SEPTIN11: variants seen among roughly 807,000 people sequenced by gnomAD.
SEPTIN11 encodes septin-11.
In SEPTIN11, 25 loss-of-function variants were observed where a neutral mutation model predicts 51.4. The ratio of observed to expected loss-of-function variants is 0.49; its 90% CI spans 0.35 to 0.68. The LOEUF (loss-of-function observed/expected upper bound fraction) is 0.68, where lower values mean the gene tolerates loss of function less well. Among genes scored for constraint, SEPTIN11 ranks in the 30% least tolerant of loss-of-function variants. SEPTIN11 has a pLI of 0.00. For missense variants in SEPTIN11, 381 were observed against 520.8 expected (o/e 0.73, Z 2.61); for synonymous variants, 174 against 184.1 (o/e 0.95, Z 0.44).
chr4:76,962,387 G>A (rs1351974838), intron 1 of SEPTIN11, among the ~76,000 whole-genome samples: 2 of 152,216 alleles, frequency 1.3e-5, no homozygotes, highest in Non-Finnish European at 2.9e-5. Flanking sequence ...AAGATAAAAT[G>A]TCCAGTTCCT....
At chr4:76,974,706 A>G (rs1722407465) in intron 1 of SEPTIN11, 2 of 455,894 alleles carry the variant, frequency 4.4e-6, no homozygotes, top group East Asian at 6.9e-5. Flanking sequence ...GACCCTGGAC[A>G]CTGGTTTATT....
chr4:76,994,759 C>G (rs1723572365), intron 1 of SEPTIN11, among the ~76,000 whole-genome samples: 1 of 151,980 alleles, frequency 6.6e-6, no homozygotes, highest in Admixed American at 6.6e-5. Context: ...ATTTCTGTGC[C>G]TATATAGTGA....
chr4:76,956,100 G>A (rs1721546192), intron 1 of SEPTIN11, among the ~76,000 whole-genome samples: 1 of 152,162 alleles, frequency 6.6e-6, no homozygotes, highest in Non-Finnish European at 1.5e-5. Context: ...TTTGAGTACT[G>A]TCTTCATACC....
chr4:77,035,115 T>C lies in SEPTIN11; in HGVS notation c.*603T>C. 1.0e-6 allele frequency: 1 copy of C among 985,506 alleles called. No individual in the cohort carries two copies. Among genetic ancestry groups the C allele is most frequent in the Non-Finnish European group, 1.2e-6 (1 of 829,962 alleles). The allele number at this position is 985,506 out of a possible 1,614,324, so 61.0% of individuals were successfully genotyped here. A position where few individuals can be genotyped will look rare whatever the true frequency, so the allele number is the denominator to read the frequency against. ...CCTGAGCTTGTGGGTCTGTTCAGAC[T>C]GTCTCCTCTCATGGTTTGAAACTGC... On this transcript the variant is annotated 3_prime_UTR_variant, in exon 10 of 10. Coordinates refer to ENST00000264893, the MANE Select transcript of SEPTIN11 (RefSeq NM_018243.4).
chr4:76,975,948 A>G (rs967479092), intron 1 of SEPTIN11, among the ~76,000 whole-genome samples: 7 of 152,216 alleles, frequency 4.6e-5, no homozygotes, highest in Non-Finnish European at 1.0e-4. Context: ...AAAAACAAGA[A>G]AAGAGTTTAA....
At chr4:76,996,404 C>T in intron 1 of SEPTIN11, 21 bp from the exon 2 acceptor site, 2 of 1,560,002 alleles carry the variant, frequency 1.3e-6, no homozygotes, top group African/African-American at 1.4e-5. Context: ...ACACTCAAAT[C>T]TTTCTCCCCT....
In SEPTIN11 at chr4:77,037,571, C is replaced by G; in HGVS notation, c.*3059C>G. On this transcript the variant is annotated 3_prime_UTR_variant, in exon 10 of 10. Coordinates refer to ENST00000264893, the MANE Select transcript of SEPTIN11 (RefSeq NM_018243.4). Reference sequence around the variant, plus strand: ...TTTAATCTTAGTTTAATGGTCTCTCCCTGGTGCTAACTGCTGACAGTGGCC... The same window carrying G: ...TTTAATCTTAGTTTAATGGTCTCTCGCTGGTGCTAACTGCTGACAGTGGCC... 1.0e-6 allele frequency: 1 copy of G among 985,308 alleles called. No homozygotes were observed. Among genetic ancestry groups the G allele is most frequent in the Non-Finnish European group, 1.2e-6 (1 of 829,870 alleles). The allele number at this position is 985,308 out of a possible 1,614,324, so 61.0% of individuals were successfully genotyped here.
chr4:76,989,763 C>G (rs1401539800), intron 1 of SEPTIN11, among the ~76,000 whole-genome samples: 1 of 152,164 alleles, frequency 6.6e-6, no homozygotes, highest in Non-Finnish European at 1.5e-5. Flanking sequence ...TTACAGTTGC[C>G]TACAGCATTC....
chr4:77,011,589 C>T, intron 3 of SEPTIN11, 146 bp from the exon 4 acceptor site: 1 of 651,988 alleles, frequency 1.5e-6, no homozygotes, highest in South Asian at 1.9e-5. Flanking sequence ...GAGCGCTGTT[C>T]AGGGATCAGG....
chr4:76,974,612 T>C lies in SEPTIN11; in HGVS notation c.28-21813T>C, dbSNP rs1412189533. On this transcript the variant is annotated intron_variant, in intron 1 of 9. Transcript: ENST00000264893. Reference sequence around the variant, plus strand: ...GAACTAAGGCGTTCTAGATAGGTCATTTGTAGACAGATTCTTCAGTCGTTT... The same window carrying C: ...GAACTAAGGCGTTCTAGATAGGTCACTTGTAGACAGATTCTTCAGTCGTTT... The C allele has an allele frequency of 1.8e-5, 7 of 394,296 alleles. No individual in the cohort carries two copies. In the Admixed American group the frequency reaches 2.0e-4, roughly 11 times the overall value. The allele number at this position is 394,296 out of a possible 1,614,324, so 24.4% of individuals were successfully genotyped here. A position where few individuals can be genotyped will look rare whatever the true frequency, so the allele number is the denominator to read the frequency against.
In SEPTIN11 at chr4:76,996,476, C is replaced by G. The variant is rs919706619; in HGVS notation, c.79C>G (p.Leu27Val). The stretch of plus-strand genomic sequence containing the variant: ...GTCTGGCCATGTGGGATTTGACAGC[C>G]TCCCTGACCAGCTGGTCAACAAGTC... The part of the protein sequence containing the change: ...SLSGHVGFDS[L>V]PDQLVNKSTS... The change falls in exon 2 of 10, where the codon CTC becomes GTC. Residue 27 changes from leucine to valine, a missense_variant. Leu to Val is a conservative substitution (Grantham distance 32, BLOSUM62 1). Transcript: ENST00000264893. The G allele has an allele frequency of 1.2e-6, 2 of 1,614,038 alleles. No homozygotes were observed. Among genetic ancestry groups the G allele is most frequent in the Non-Finnish European group, 1.7e-6 (2 of 1,179,998 alleles).
At chr4:77,016,539 A>G (rs1232787859) in intron 5 of SEPTIN11, among the ~76,000 whole-genome samples, 2 of 142,204 alleles carry the variant, frequency 1.4e-5, no homozygotes, top group Non-Finnish European at 3.0e-5. Context: ...TGTTTTTATA[A>G]TATATATAGC....
downstream of SEPTIN11, among the ~76,000 whole-genome samples, chr4:77,038,871 TG>T (rs990225743): frequency 3.9e-5 from 6 of 152,258 alleles, no homozygotes; most frequent in African/African-American, 1.4e-4. Flanking sequence ...TCATGTGCCT[TG>T]GTGCCCAGCT....
rs747828120 is a variant in SEPTIN11 at position 76,949,762 on chromosome 4, C to G, written c.-142C>G. The G allele has an allele frequency of 8.6e-4, 726 of 841,308 alleles. 1 individual carries two copies. The highest frequency in any genetic ancestry group is 1.2e-3 in the Non-Finnish European group (657 of 566,838). 52.1% of individuals were successfully genotyped at this position (841,308 alleles called of 1,614,324 possible). ...GCGGCGGCGTGGGGGGAGCAGATGC[C>G]GCTGGCTGCCAGCGGGACGCCGGCG... On this transcript the variant is annotated 5_prime_UTR_variant, in exon 1 of 10. Transcript: ENST00000264893.
At chr4:77,014,664 A>G (rs563137283) in intron 4 of SEPTIN11, among the ~76,000 whole-genome samples, 192 bp from the exon 5 acceptor site, 1 of 149,988 alleles carries the variant, frequency 6.7e-6, no homozygotes, top group African/African-American at 2.4e-5. Context: ...TCTACCCCAA[A>G]AAAAAAAAAA....
At position 76,949,888 on chromosome 4, in the gene SEPTIN11, C is replaced by CG; in HGVS notation, c.-14dup. 4.6e-6 allele frequency: 7 copies of CG among 1,527,034 alleles called. No individual in the cohort carries two copies. The highest frequency in any genetic ancestry group is 5.2e-6 in the Non-Finnish European group (6 of 1,144,516). 94.6% of individuals were successfully genotyped at this position (1,527,034 alleles called of 1,614,324 possible). ...TAAAGCACCCGGGCGCAGCCGGAGC[C>CG]GGTGCCGCAGCTGCGATGGCCGTGG... On this transcript the variant is annotated 5_prime_UTR_variant, in exon 1 of 10. Transcript: ENST00000264893.
rs758761275 is a variant in SEPTIN11, at chr4:77,030,769, C to A, written c.1087-14C>A. On this transcript the variant is annotated splice_polypyrimidine_tract_variant and intron_variant, in intron 8 of 9. Coordinates refer to ENST00000264893, the MANE Select transcript of SEPTIN11 (RefSeq NM_018243.4). ...TCATTCCATTCACCAAGCCTGTTTT[C>A]TTTTTCTCTCCAGCTTCACGAGAAG... is the stretch of plus-strand genomic sequence containing the variant. 9 of 1,577,298 alleles carry A rather than the reference C, an allele frequency of 5.7e-6. No individual in the cohort carries two copies. Among genetic ancestry groups the A allele is most frequent in the Non-Finnish European group, 7.7e-6 (9 of 1,170,154 alleles).
intron 1 of SEPTIN11, among the ~76,000 whole-genome samples, chr4:76,959,811 T>C (rs1721749599): frequency 6.6e-6 from 1 of 152,246 alleles, no homozygotes; most frequent in Non-Finnish European, 1.5e-5. Context: ...GGGATTAATG[T>C]AGTATTTCCC....
chr4:77,001,877 A>G (rs1724145306), intron 2 of SEPTIN11, among the ~76,000 whole-genome samples: 1 of 152,202 alleles, frequency 6.6e-6, no homozygotes, highest in South Asian at 2.1e-4. Context: ...AGAAGCCTCA[A>G]AAACTAATCC....
Sources: gnomAD v4.1 joint callset for allele counts (sites outside exome capture counted in the v4.1 genomes callset) on GRCh38, gnomAD v4.1.1 for gene constraint, MANE v1.5 for transcripts, NCBI Gene and HGNC (gene_info 2026-07-23, HGNC 2026-07-21) for gene names.